Variants in NHS observed in about 807,000 individuals in gnomAD.
The protein encoded by NHS is NHS actin remodeling regulator.
A neutral mutation model predicts 72.5 loss-of-function variants in NHS; 5 were observed. The observed-to-expected ratio is 0.07, with a 90% CI of 0.04 to 0.14. NHS has a LOEUF of 0.14. NHS is among the 10% of genes least tolerant of loss of function. The pLI is 1.00. For missense variants in NHS, 1,072 were observed against 1,355.7 expected, an observed-to-expected ratio of 0.79 and a Z score of 3.29; for synonymous variants, 464 against 547.7, an observed-to-expected ratio of 0.85 and a Z score of 2.13.
chrX:17,713,065 A>C (rs2066344346), intron 3 of NHS, among the ~76,000 whole-genome samples: 1 of 111,910 alleles, frequency 8.9e-6, no homozygotes, highest in Non-Finnish European at 1.9e-5. Flanking sequence ...TTGGGAAGAC[A>C]AGAGCACAAT....
chrX:17,410,698 T>G (rs867823093), intron 1 of NHS, among the ~76,000 whole-genome samples: 78 of 110,298 alleles, frequency 7.1e-4, no homozygotes, highest in African/African-American at 2.3e-3. Context: ...TGGAAAACTC[T>G]CACATAAGCC....
At chrX:17,399,991 C>T (rs2064495561) in intron 1 of NHS, among the ~76,000 whole-genome samples, 1 of 111,823 alleles carries the variant, frequency 8.9e-6, no homozygotes, top group African/African-American at 3.3e-5. Flanking sequence ...TGAATGCTTT[C>T]CCCCTAAGAT....
At chrX:17,510,977 A>G (rs1053083985) in intron 1 of NHS, among the ~76,000 whole-genome samples, 1 of 112,255 alleles carries the variant, frequency 8.9e-6, no homozygotes, top group Non-Finnish European at 1.9e-5. Context: ...CCCTGGTTGT[A>G]GATGGACTGG....
At chrX:17,469,233 TA>T (rs2064882258) in intron 1 of NHS, among the ~76,000 whole-genome samples, 1 of 112,346 alleles carries the variant, frequency 8.9e-6, no homozygotes, top group Non-Finnish European at 1.9e-5. Flanking sequence ...GGCATTTGGA[TA>T]TTTTCCAGTT....
chrX:17,602,211 C>A (rs1336151411), intron 1 of NHS, among the ~76,000 whole-genome samples: 1 of 111,791 alleles, frequency 8.9e-6, no homozygotes, highest in African/African-American at 3.3e-5. Context: ...AACAAACAAA[C>A]AAACAAAAAA....
At chrX:17,423,987 G>T (rs1268805050) in intron 1 of NHS, among the ~76,000 whole-genome samples, 1 of 112,083 alleles carries the variant, frequency 8.9e-6, no homozygotes, top group Non-Finnish European at 1.9e-5. Flanking sequence ...CTACTAACTT[G>T]GCTTATCAGT....
chrX:17,500,318 T>C (rs1274829496), intron 1 of NHS, among the ~76,000 whole-genome samples: 1 of 112,069 alleles, frequency 8.9e-6, no homozygotes, highest in Admixed American at 9.4e-5. Flanking sequence ...CACAAGAGTG[T>C]TGGATGCAAT....
intron 1 of NHS, among the ~76,000 whole-genome samples, chrX:17,684,244 A>C (rs2066146797): frequency 8.9e-6 from 1 of 112,311 alleles, no homozygotes; most frequent in African/African-American, 3.2e-5. Flanking sequence ...GCAGCATGAG[A>C]ATGGACAGAC....
intron 1 of NHS, among the ~76,000 whole-genome samples, chrX:17,663,702 A>AT (rs1199716015): frequency 8.9e-6 from 1 of 112,184 alleles, no homozygotes; most frequent in Non-Finnish European, 1.9e-5. Flanking sequence ...GTGGATTTAC[A>AT]TTTTTTGTTT....
chrX:17,391,712 T>C (rs1253074943), intron 1 of NHS, among the ~76,000 whole-genome samples: 3 of 111,789 alleles, frequency 2.7e-5, no homozygotes, highest in Non-Finnish European at 3.8e-5. Context: ...ATTTAGCATC[T>C]GGCTGCCATG....
intron 1 of NHS, among the ~76,000 whole-genome samples, chrX:17,523,591 G>T (rs973465474): frequency 1.1e-4 from 12 of 111,358 alleles, no homozygotes; most frequent in African/African-American, 3.9e-4. Flanking sequence ...AGTCTCCCCA[G>T]ATGAGCTGAC....
At chrX:17,443,220 A>G (rs761280977) in intron 1 of NHS, among the ~76,000 whole-genome samples, 2 of 112,716 alleles carry the variant, frequency 1.8e-5, no homozygotes, top group Non-Finnish European at 3.7e-5. Context: ...ACAGAATGAG[A>G]AAAAGCCAGC....
At chrX:17,422,142 TG>T (rs1364823078) in intron 1 of NHS, among the ~76,000 whole-genome samples, 1 of 112,500 alleles carries the variant, frequency 8.9e-6, no homozygotes, top group Non-Finnish European at 1.9e-5. Context: ...TTATTTTGTT[TG>T]TTTTTGAACT....
intron 1 of NHS, among the ~76,000 whole-genome samples, chrX:17,538,041 G>A (rs751270333): frequency 1.2e-4 from 14 of 112,005 alleles, no homozygotes; most frequent in South Asian, 7.5e-4. Flanking sequence ...CCCATCTTGC[G>A]GAAGGCCAAG....
intron 1 of NHS, among the ~76,000 whole-genome samples, chrX:17,570,282 T>C (rs933935929): frequency 8.9e-6 from 1 of 112,556 alleles, no homozygotes; most frequent in Non-Finnish European, 1.9e-5. Flanking sequence ...TTTCACAATA[T>C]TGATTCTTCC....
chrX:17,447,818 CAG>C (rs749142753), intron 1 of NHS, among the ~76,000 whole-genome samples: 4 of 104,871 alleles, frequency 3.8e-5, no homozygotes, highest in African/African-American at 1.0e-4. Context: ...CACACACACA[CAG>C]AGGATTTTCT....
At chrX:17,533,884 C>G (rs1430602900) in intron 1 of NHS, among the ~76,000 whole-genome samples, 2 of 112,802 alleles carry the variant, frequency 1.8e-5, no homozygotes. Flanking sequence ...ATGTCTAACA[C>G]TATGTCCAAT....
intron 1 of NHS, among the ~76,000 whole-genome samples, chrX:17,562,445 A>T (rs780297466): frequency 8.9e-6 from 1 of 111,822 alleles, no homozygotes; most frequent in Non-Finnish European, 1.9e-5. Context: ...ACCTGTGGGT[A>T]TAGTGGCCTT....
intron 1 of NHS, among the ~76,000 whole-genome samples, chrX:17,618,312 C>T (rs762096213): frequency 1.7e-4 from 19 of 112,213 alleles, no homozygotes; most frequent in Non-Finnish European, 3.2e-4. Flanking sequence ...GCCAAATCCA[C>T]ATCATTAATT....
Sources: gnomAD v4.1 joint callset for allele counts (sites outside exome capture counted in the v4.1 genomes callset) on GRCh38, gnomAD v4.1.1 for gene constraint, MANE v1.5 for transcripts, NCBI Gene and HGNC (gene_info 2026-07-23, HGNC 2026-07-21) for gene names.